Variants in GABBR2 observed in about 807,000 individuals in gnomAD.
GABBR2 encodes G-protein coupled receptor 51.
Under a neutral mutation model 105.6 loss-of-function variants are expected in GABBR2, and 23 were observed. The ratio of observed to expected loss-of-function variants is 0.22; its 90% CI spans 0.16 to 0.31. GABBR2 has a LOEUF of 0.31. GABBR2 is among the 10% of genes least tolerant of loss of function. The pLI, the probability that GABBR2 is intolerant of heterozygous loss-of-function variation, is 1.00. For synonymous variants in GABBR2, 478 were observed against 499.7 expected (o/e 0.96, Z 0.58); for missense variants, 734 against 1,245.5 (o/e 0.59, Z 6.18).
At chr9:98,626,293 G>A (rs1451328074) in intron 1 of GABBR2, among the ~76,000 whole-genome samples, 1 of 152,184 alleles carries the variant, frequency 6.6e-6, no homozygotes, top group Non-Finnish European at 1.5e-5. Flanking sequence ...TTTCTTTCTG[G>A]GGTGATTAAA....
At chr9:98,661,418 CG>C (rs1251948697) in intron 1 of GABBR2, among the ~76,000 whole-genome samples, 1 of 150,658 alleles carries the variant, frequency 6.6e-6, no homozygotes, top group African/African-American at 2.4e-5. Context: ...CCCACCCCCC[CG>C]ATATGGAGTC....
rs200991924 is a variant in GABBR2 at position 98,318,921 on chromosome 9, T to G, written c.1894-7716A>C. Among the ~76,000 whole-genome samples the G allele has an allele frequency of 6.3e-3, 898 of 142,892 alleles. 8 individuals are homozygous for G. Among genetic ancestry groups the G allele is most frequent in the East Asian group, 0.041 (187 of 4,586 alleles). 93.7% of individuals were successfully genotyped at this position (142,892 alleles called of 152,430 possible). A position where few individuals can be genotyped will look rare whatever the true frequency, so the allele number is the denominator to read the frequency against. The stretch of plus-strand genomic sequence containing the variant: ...TGTGTGTGTGTGTGTGTGTTGGGGG[T>G]GTGTGTGTGTGTGTGGTGTGTGTGT... On this transcript the variant is annotated intron_variant, in intron 13 of 18. Coordinates refer to ENST00000259455, the MANE Select transcript of GABBR2 (RefSeq NM_005458.8).
chr9:98,467,508 G>T (rs544394164), intron 6 of GABBR2, among the ~76,000 whole-genome samples: 2 of 152,288 alleles, frequency 1.3e-5, no homozygotes, highest in Admixed American at 1.3e-4. Context: ...GGGCTCTCTG[G>T]GGAGTTCTAT....
At chr9:98,409,930 C>G (rs1173072862) in intron 7 of GABBR2, among the ~76,000 whole-genome samples, 1 of 152,200 alleles carries the variant, frequency 6.6e-6, no homozygotes, top group Non-Finnish European at 1.5e-5. Flanking sequence ...GTAACCCTGT[C>G]TCAGACACCC....
At chr9:98,453,093 C>A (rs1432234609) in intron 7 of GABBR2, among the ~76,000 whole-genome samples, 1 of 152,198 alleles carries the variant, frequency 6.6e-6, no homozygotes, top group Non-Finnish European at 1.5e-5. Flanking sequence ...ATGACGCGAT[C>A]TCAGCTCACT....
chr9:98,707,050 C>T (rs1165413184), intron 1 of GABBR2, among the ~76,000 whole-genome samples: 2 of 152,220 alleles, frequency 1.3e-5, no homozygotes, highest in African/African-American at 4.8e-5. Flanking sequence ...CAACTGCCAC[C>T]GGTTCCTTCA....
intron 3 of GABBR2, among the ~76,000 whole-genome samples, chr9:98,517,267 T>G (rs2779566): frequency 1 from 152,292 of 152,322 alleles, 76,131 homozygotes; most frequent in Middle Eastern, 1. Flanking sequence ...TGAGGTTCCT[T>G]TTGCAACCTC....
chr9:98,486,700 G>A (rs1827059023), intron 4 of GABBR2, among the ~76,000 whole-genome samples: 1 of 152,220 alleles, frequency 6.6e-6, no homozygotes, highest in Non-Finnish European at 1.5e-5. Flanking sequence ...AAACCCCTAA[G>A]GCAGCTGAGC....
chr9:98,655,381 T>TA (rs374241115), intron 1 of GABBR2, among the ~76,000 whole-genome samples: 1,518 of 150,472 alleles, frequency 0.01, 25 homozygotes, highest in African/African-American at 0.034. Flanking sequence ...AAAATTGCTT[T>TA]AAAAAAAAAG....
intron 4 of GABBR2, among the ~76,000 whole-genome samples, chr9:98,482,355 C>T (rs748907723): frequency 3.2e-4 from 49 of 152,294 alleles, no homozygotes; most frequent in Non-Finnish European, 5.0e-4. Flanking sequence ...AAAACACTGG[C>T]TCTGAAAGGA....
chr9:98,547,707 G>T (rs1720528301), intron 2 of GABBR2, among the ~76,000 whole-genome samples: 1 of 121,906 alleles, frequency 8.2e-6, no homozygotes, highest in South Asian at 2.7e-4. Context: ...GCCAGTATTT[G>T]ATATTATCTG....
Position 98,403,606 on chromosome 9 carries a change from G to A in GABBR2, c.1297+2475C>T, listed in dbSNP as rs186659592. ...TATCACCTCCTATACATCACTAAGTGCAGGGAGCCGCTATTAGGGGTAAAT... is the reference window on the plus strand; with the variant it reads ...TATCACCTCCTATACATCACTAAGTACAGGGAGCCGCTATTAGGGGTAAAT... On this transcript the variant is annotated intron_variant, in intron 8 of 18. Coordinates refer to ENST00000259455, the MANE Select transcript of GABBR2 (RefSeq NM_005458.8). Among the ~76,000 whole-genome samples, 300 of 152,238 alleles carry A rather than the reference G, an allele frequency of 2.0e-3. 4 individuals are homozygous for A. The highest frequency in any genetic ancestry group is 7.0e-3 in the African/African-American group (289 of 41,546).
intron 1 of GABBR2, among the ~76,000 whole-genome samples, chr9:98,682,707 A>C (rs1293758510): frequency 6.6e-6 from 1 of 152,160 alleles, no homozygotes; most frequent in African/African-American, 2.4e-5. Flanking sequence ...TACATAAAGC[A>C]GTTTCACAAA....
intron 3 of GABBR2, among the ~76,000 whole-genome samples, chr9:98,518,023 G>C (rs1307183152): frequency 1.3e-5 from 2 of 152,242 alleles, no homozygotes; most frequent in Non-Finnish European, 2.9e-5. Context: ...GAGAGCCAAT[G>C]GGAGGCCCCA....
intron 16 of GABBR2, 26 bp from the exon 17 acceptor site, chr9:98,299,379 T>C (rs988351828): frequency 1.1e-5 from 18 of 1,613,324 alleles, no homozygotes; most frequent in Non-Finnish European, 1.4e-5. Flanking sequence ...TCCAGTTGAG[T>C]CAGGTCCCTG....
chr9:98,345,669 G>A (rs1831291084), intron 13 of GABBR2, among the ~76,000 whole-genome samples: 1 of 152,174 alleles, frequency 6.6e-6, no homozygotes, highest in Non-Finnish European at 1.5e-5. Flanking sequence ...AATTGTCTCT[G>A]TTTGCAAATG....
chr9:98,522,143 T>TA (rs200049946), intron 3 of GABBR2, among the ~76,000 whole-genome samples: 6 of 120,466 alleles, frequency 5.0e-5, no homozygotes, highest in South Asian at 2.6e-4. Flanking sequence ...AATTTAATTG[T>TA]AAAAAAAAAC....
intron 1 of GABBR2, among the ~76,000 whole-genome samples, chr9:98,672,084 C>G (rs987533291): frequency 6.6e-6 from 1 of 151,820 alleles, no homozygotes. Context: ...TAAAATTTAC[C>G]ATCTTAACCT....
intron 1 of GABBR2, among the ~76,000 whole-genome samples, chr9:98,582,050 G>T (rs1174645423): frequency 1.3e-5 from 2 of 152,108 alleles, no homozygotes; most frequent in African/African-American, 4.8e-5. Flanking sequence ...CACCAGAGTG[G>T]GTGTGGCGGG....
Sources: allele counts gnomAD v4.1 joint callset (sites outside exome capture counted in the v4.1 genomes callset), GRCh38; gene constraint gnomAD v4.1.1; transcripts MANE v1.5; gene names NCBI Gene and HGNC (gene_info 2026-07-23, HGNC 2026-07-21).